Variants in FHIT observed in about 807,000 individuals in gnomAD.
FHIT encodes fragile histidine triad diadenosine triphosphatase, also known as bis(5'-adenosyl)-triphosphatase.
In FHIT, 19 loss-of-function variants were observed where a neutral mutation model predicts 17.9. That is an observed-to-expected ratio of 1.06 (90% CI 0.74 to 1.56). The LOEUF is 1.56. FHIT is among the 40% of genes most tolerant of loss of function. FHIT has a pLI of 0.00. For missense variants in FHIT, 248 were observed against 189.2 expected (o/e 1.31, Z -1.82); for synonymous variants, 81 against 69.7 (o/e 1.16, Z -0.81).
chr3:60,997,514 G>T (rs534521737), intron 3 of FHIT, among the ~76,000 whole-genome samples: 41 of 152,306 alleles, frequency 2.7e-4, no homozygotes, highest in African/African-American at 8.9e-4. Context: ...TGAGGGGGGT[G>T]TGGATGGTGC....
intron 5 of FHIT, among the ~76,000 whole-genome samples, chr3:60,119,396 C>G (rs958704756): frequency 2.0e-5 from 3 of 151,920 alleles, no homozygotes; most frequent in Non-Finnish European, 4.4e-5. Flanking sequence ...TTTTAAGATG[C>G]CTATTTTATG....
In FHIT at chr3:59,791,495, C is replaced by A. The variant is rs140439419; in HGVS notation, c.349-39174G>T. Among the ~76,000 whole-genome samples the A allele has an allele frequency of 1.2e-3, 183 of 152,278 alleles. 1 individual carries two copies. The highest frequency in any genetic ancestry group is 2.1e-3 in the Non-Finnish European group (140 of 68,016). ...CCCCTGGATCCAGCCGCGCCTGAAT[C>A]AACAATACTATTAGACTTTTCAGTT... On this transcript the variant is annotated intron_variant, in intron 8 of 9. Coordinates refer to ENST00000492590, the MANE Select transcript of FHIT (RefSeq NM_002012.4).
intron 5 of FHIT, among the ~76,000 whole-genome samples, chr3:60,129,130 G>C (rs1027280968): frequency 2.9e-5 from 4 of 137,750 alleles, no homozygotes; most frequent in African/African-American, 1.1e-4. Flanking sequence ...TTGGCTCACT[G>C]CAACCTCCGC....
chr3:60,533,983 G>A (rs1033781939), intron 5 of FHIT, among the ~76,000 whole-genome samples: 25 of 152,088 alleles, frequency 1.6e-4, no homozygotes, highest in African/African-American at 5.8e-4. Flanking sequence ...GGGCAGGCAG[G>A]AGAGAACACT....
At position 60,435,854 on chromosome 3, in the gene FHIT, A is replaced by G. The variant is rs111407148; in HGVS notation, c.103+101006T>C. Among the ~76,000 whole-genome samples the G allele has an allele frequency of 2.6e-4, 40 of 151,906 alleles. 2 individuals carry two copies. In the Middle Eastern group the frequency reaches 0.01, roughly 39 times the overall value. ...GCCCCAGTGTGTGTTGTTCCCCTCTATGTGTCCATGTGTTCTCATCATTTA... is the reference window on the plus strand; with the variant it reads ...GCCCCAGTGTGTGTTGTTCCCCTCTGTGTGTCCATGTGTTCTCATCATTTA... On this transcript the variant is annotated intron_variant, in intron 5 of 9. Coordinates refer to ENST00000492590, the MANE Select transcript of FHIT (RefSeq NM_002012.4).
At position 60,127,025 on chromosome 3, in the gene FHIT, C is replaced by G. The variant is rs897068508; in HGVS notation, c.104-112873G>C. On this transcript the variant is annotated intron_variant, in intron 5 of 9. Coordinates refer to ENST00000492590, the MANE Select transcript of FHIT (RefSeq NM_002012.4). Reference sequence around the variant, plus strand: ...GCAAGCAAGGGAGAGAGCCCTTGGACACTCTTCTCTAGTATTCTAGGACTT... The same window carrying G: ...GCAAGCAAGGGAGAGAGCCCTTGGAGACTCTTCTCTAGTATTCTAGGACTT... 2.0e-5 allele frequency among the ~76,000 whole-genome samples: 3 copies of G among 152,136 alleles called. No homozygotes were observed. In the East Asian group the frequency reaches 5.8e-4, roughly 29 times the overall value.
At chr3:60,103,472 G>T (rs2107148966) in intron 5 of FHIT, among the ~76,000 whole-genome samples, 1 of 152,270 alleles carries the variant, frequency 6.6e-6, no homozygotes, top group Non-Finnish European at 1.5e-5. Flanking sequence ...AATTTGTGAA[G>T]AAATGACAGG....
intron 3 of FHIT, among the ~76,000 whole-genome samples, chr3:61,005,669 G>T (rs2031396529): frequency 6.6e-6 from 1 of 152,130 alleles, no homozygotes; most frequent in Non-Finnish European, 1.5e-5. Flanking sequence ...CAGGCTGTGT[G>T]GTGCATGGCT....
intron 3 of FHIT, among the ~76,000 whole-genome samples, chr3:60,873,446 C>G (rs1468605228): frequency 6.6e-6 from 1 of 152,188 alleles, no homozygotes; most frequent in East Asian, 1.9e-4. Context: ...TGCTGTGCAG[C>G]CTTGTTTCCT....
intron 7 of FHIT, among the ~76,000 whole-genome samples, chr3:60,005,560 C>T (rs1699893191): frequency 6.6e-6 from 1 of 152,144 alleles, no homozygotes; most frequent in Non-Finnish European, 1.5e-5. Context: ...CAAACCCATC[C>T]CCCTGAGCAC....
chr3:60,288,566 AGTGTGTGT>A (rs139336094), intron 5 of FHIT, among the ~76,000 whole-genome samples: 14,060 of 144,570 alleles, frequency 0.097, 815 homozygotes, highest in Non-Finnish European at 0.13. Flanking sequence ...GTTCTGGCAC[AGTGTGTGT>A]GTGTGTGTGT....
At chr3:59,995,134 T>C (rs968969117) in intron 7 of FHIT, among the ~76,000 whole-genome samples, 2 of 151,696 alleles carry the variant, frequency 1.3e-5, no homozygotes, top group Non-Finnish European at 2.9e-5. Flanking sequence ...TCTGACAATC[T>C]TGTCCAGGAT....
intron 5 of FHIT, among the ~76,000 whole-genome samples, chr3:60,079,948 T>C (rs1031572473): frequency 2.6e-5 from 4 of 152,202 alleles, no homozygotes; most frequent in Admixed American, 6.5e-5. Context: ...AGATTTTTTT[T>C]CTACTCCAAT....
intron 4 of FHIT, among the ~76,000 whole-genome samples, chr3:60,804,141 G>A (rs900638712): frequency 6.6e-6 from 1 of 152,160 alleles, no homozygotes; most frequent in Non-Finnish European, 1.5e-5. Context: ...CATGGCAGCA[G>A]AGAGCCTGAA....
At chr3:60,964,803 G>T (rs1453168404) in intron 3 of FHIT, among the ~76,000 whole-genome samples, 1 of 152,200 alleles carries the variant, frequency 6.6e-6, no homozygotes, top group Non-Finnish European at 1.5e-5. Flanking sequence ...GAGATCTGTT[G>T]TTAGTCTGAT....
intron 5 of FHIT, among the ~76,000 whole-genome samples, chr3:60,220,105 C>T (rs1703895993): frequency 6.6e-6 from 1 of 152,002 alleles, no homozygotes; most frequent in African/African-American, 2.4e-5. Flanking sequence ...AAATTTCTAT[C>T]AATAGGTAAT....
intron 3 of FHIT, among the ~76,000 whole-genome samples, chr3:60,899,193 A>G (rs935004258): frequency 5.9e-5 from 9 of 152,158 alleles, no homozygotes; most frequent in Admixed American, 2.0e-4. Context: ...TTAAAATTCG[A>G]TATTTGGTGT....
intron 2 of FHIT, among the ~76,000 whole-genome samples, chr3:61,120,243 G>C (rs1336560844): frequency 6.6e-6 from 1 of 152,104 alleles, no homozygotes; most frequent in Non-Finnish European, 1.5e-5. Context: ...GATTATATAA[G>C]ATCACTATGG....
At chr3:59,752,802 G>GAAA (rs1700992316) in intron 8 of FHIT, among the ~76,000 whole-genome samples, 2 of 152,142 alleles carry the variant, frequency 1.3e-5, no homozygotes, top group Non-Finnish European at 2.9e-5. Flanking sequence ...ATGATTGAAA[G>GAAA]GTTCCTGAGG....
Sources: gnomAD v4.1 joint callset for allele counts (sites outside exome capture counted in the v4.1 genomes callset) on GRCh38, gnomAD v4.1.1 for gene constraint, MANE v1.5 for transcripts, NCBI Gene and HGNC (gene_info 2026-07-23, HGNC 2026-07-21) for gene names.